The following BASP1 variants were observed in gnomAD, a reference collection of about 807,000 sequenced individuals.
BASP1 encodes brain abundant membrane attached signal protein 1, also known as brain acid soluble protein 1.
Under a neutral mutation model 2.2 loss-of-function variants are expected in BASP1, and 1 was observed. The observed-to-expected ratio is 0.46, with a 90% confidence interval of 0.16 to 2.17. The LOEUF (loss-of-function observed/expected upper bound fraction) is 2.17, where lower values mean the gene tolerates loss of function less well. BASP1 is among the 30% of genes most tolerant of loss of function. The pLI, the probability that BASP1 is intolerant of heterozygous loss-of-function variation, is 0.27. For synonymous variants in BASP1, 187 were observed against 154.2 expected, an observed-to-expected ratio of 1.21 and a Z score of -1.58; for missense variants, 352 against 327.2, an observed-to-expected ratio of 1.08 and a Z score of -0.58.
intron 1 of BASP1, among the ~76,000 whole-genome samples, chr5:17,272,031 T>C (rs1740539338): frequency 6.8e-6 from 1 of 146,166 alleles, no homozygotes; most frequent in South Asian, 2.1e-4. Context: ...GTGCTGCTGC[T>C]GCACTCCAGC....
rs540296281 is a variant in BASP1 at position 17,236,518 on chromosome 5, G to T, written c.-10+18708G>T. On this transcript the variant is annotated intron_variant, in intron 1 of 1. Transcript: ENST00000322611. This position sits in a 1 kb window ranked among gnomAD's most constrained non-coding sequence, Gnocchi z 4.0. ...GACCTTAGGTGATCCGCCTGCCTCT[G>T]CCTCCCAAAGTGCTGGGATTACAGG... Among the ~76,000 whole-genome samples, 157 of 152,300 alleles carry T rather than the reference G, an allele frequency of 1.0e-3. No individual in the cohort carries two copies. Among genetic ancestry groups the T allele is most frequent in the Non-Finnish European group, 1.7e-3 (116 of 68,026 alleles).
rs1561180315 is a variant in BASP1, at chr5:17,275,943, TC to T, written c.*45del. The T allele has an allele frequency of 1.5e-6, 2 of 1,338,008 alleles. No individual in the cohort carries two copies. The highest frequency in any genetic ancestry group is 9.7e-7 in the Non-Finnish European group (1 of 1,033,610). The allele number at this position is 1,338,008 out of a possible 1,614,324, so 82.9% of individuals were successfully genotyped here. ...AAAAACAATACCACTTAAAACAATC[TC>T]CTCTCTCTCTCTCTCTCTCTCTCTC... On this transcript the variant is annotated 3_prime_UTR_variant, in exon 2 of 2. Coordinates refer to ENST00000322611, the MANE Select transcript of BASP1 (RefSeq NM_006317.5). The surrounding 1 kb of genome is among the most constrained non-coding windows in gnomAD (Gnocchi z 5.3).
intron 1 of BASP1, among the ~76,000 whole-genome samples, chr5:17,243,958 G>A (rs978535812): frequency 6.6e-6 from 1 of 152,200 alleles, no homozygotes; most frequent in African/African-American, 2.4e-5. Flanking sequence ...GGTACTATGT[G>A]AAATTGGATA....
intron 1 of BASP1, among the ~76,000 whole-genome samples, chr5:17,254,764 C>T (rs774278361): frequency 2.6e-5 from 4 of 151,990 alleles, no homozygotes; most frequent in Non-Finnish European, 2.9e-5. Context: ...AGGACTGATC[C>T]GAAGACATTT....
chr5:17,272,883 A>G (rs1345297299), intron 1 of BASP1, among the ~76,000 whole-genome samples: 2 of 152,246 alleles, frequency 1.3e-5, no homozygotes, highest in Admixed American at 6.5e-5. Context: ...TTTGTAACCC[A>G]ACATGACTTT....
intron 1 of BASP1, among the ~76,000 whole-genome samples, chr5:17,241,871 G>C (rs1739869475): frequency 6.6e-6 from 1 of 152,302 alleles, no homozygotes; most frequent in East Asian, 1.9e-4. Context: ...AGTACGTGGA[G>C]CTGGCACGCA....
intron 1 of BASP1, among the ~76,000 whole-genome samples, chr5:17,242,267 A>G (rs1388623052): frequency 6.6e-6 from 1 of 152,194 alleles, no homozygotes; most frequent in African/African-American, 2.4e-5. Context: ...TTGTATATAT[A>G]TACCTGTGAT....
chr5:17,219,778 T>G (rs1739360984), intron 1 of BASP1, among the ~76,000 whole-genome samples: 1 of 152,230 alleles, frequency 6.6e-6, no homozygotes, highest in Admixed American at 6.5e-5. Flanking sequence ...TTCTGTTTTC[T>G]CTGGACTCCG....
At position 17,276,164 on chromosome 5, in the gene BASP1, C is replaced by A. The variant is rs750610962; in HGVS notation, c.*264C>A. On this transcript the variant is annotated 3_prime_UTR_variant, in exon 2 of 2. Transcript: ENST00000322611. ...TGTGGGGAAATATCTAATATACCTT[C>A]AGTCAACTTTACCAAGAAGTCCTGG... The A allele has an allele frequency of 6.8e-5, 22 of 324,408 alleles. No homozygotes were observed. The highest frequency in any genetic ancestry group is 1.1e-4 in the Non-Finnish European group (19 of 170,892). 20.1% of individuals were successfully genotyped at this position (324,408 alleles called of 1,614,324 possible). A position where few individuals can be genotyped will look rare whatever the true frequency, so the allele number is the denominator to read the frequency against.
intron 1 of BASP1, among the ~76,000 whole-genome samples, chr5:17,228,208 T>G (rs1179138986): frequency 6.6e-6 from 1 of 152,214 alleles, no homozygotes; most frequent in Non-Finnish European, 1.5e-5. Context: ...CTATTGTAAC[T>G]GGATTTATTT....
At chr5:17,252,512 T>C (rs1561172320) in intron 1 of BASP1, among the ~76,000 whole-genome samples, 1 of 152,316 alleles carries the variant, frequency 6.6e-6, no homozygotes. Flanking sequence ...GCACGTTTTT[T>C]GGAGATGTTC....
intron 1 of BASP1, among the ~76,000 whole-genome samples, chr5:17,241,201 G>A (rs2126500473): frequency 6.6e-6 from 1 of 151,474 alleles, no homozygotes; most frequent in South Asian, 2.1e-4. Context: ...TCAGATTCAA[G>A]CGATTCTTGT....
intron 1 of BASP1, among the ~76,000 whole-genome samples, chr5:17,229,045 C>A (rs1210512968): frequency 6.6e-6 from 1 of 152,012 alleles, no homozygotes; most frequent in Non-Finnish European, 1.5e-5. Context: ...TAGGATATCA[C>A]ACAGCGTGGC....
intron 1 of BASP1, among the ~76,000 whole-genome samples, chr5:17,237,573 A>G (rs1739774480): frequency 6.6e-6 from 1 of 151,942 alleles, no homozygotes; most frequent in African/African-American, 2.4e-5. Flanking sequence ...AGATGCTTAA[A>G]CAGGTTCTAT....
chr5:17,250,267 A>G (rs1740075209), intron 1 of BASP1, among the ~76,000 whole-genome samples: 1 of 152,136 alleles, frequency 6.6e-6, no homozygotes, highest in Admixed American at 6.6e-5. Flanking sequence ...TTTGGGGCAT[A>G]TTCCACTTGA....
intron 1 of BASP1, among the ~76,000 whole-genome samples, chr5:17,218,222 C>G (rs1739305804): frequency 7.1e-6 from 1 of 141,548 alleles, no homozygotes; most frequent in South Asian, 2.3e-4. Flanking sequence ...GGAGCCCTTA[C>G]CAGCCTGGGA....
chr5:17,219,601 C>CT (rs1419429339), intron 1 of BASP1, among the ~76,000 whole-genome samples: 2 of 152,146 alleles, frequency 1.3e-5, no homozygotes, highest in African/African-American at 4.8e-5. Flanking sequence ...TTTGACAGAT[C>CT]TTTTTTGGTC....
intron 1 of BASP1, among the ~76,000 whole-genome samples, chr5:17,228,295 A>G (rs1380785246): frequency 2.6e-5 from 4 of 152,216 alleles, no homozygotes; most frequent in Non-Finnish European, 5.9e-5. Flanking sequence ...ACAGGGGGTC[A>G]TCGTAAGAGA....
chr5:17,228,507 G>T (rs1042236945), intron 1 of BASP1, among the ~76,000 whole-genome samples: 10 of 152,204 alleles, frequency 6.6e-5, no homozygotes, highest in Admixed American at 6.5e-5. Flanking sequence ...ACAAAGAAGT[G>T]AATTTAAAAG....
Sources: allele counts gnomAD v4.1 joint callset (sites outside exome capture counted in the v4.1 genomes callset), GRCh38; gene constraint gnomAD v4.1.1; non-coding constraint Gnocchi (gnomAD v3.1); transcripts MANE v1.5; gene names NCBI Gene and HGNC (gene_info 2026-07-23, HGNC 2026-07-21).